The following FAM107B variants were observed in gnomAD, a reference collection of about 807,000 sequenced individuals.
The protein encoded by FAM107B is family with sequence similarity 107 member B.
In FAM107B, 21 loss-of-function variants were observed where a neutral mutation model predicts 31.5. That is an observed-to-expected ratio of 0.67 (90% confidence interval 0.47 to 0.96). The LOEUF (loss-of-function observed/expected upper bound fraction) is 0.96, where lower values mean the gene tolerates loss of function less well. Among genes scored for constraint, FAM107B ranks in the 40% least tolerant of loss-of-function variants. The pLI is 0.00. For missense variants in FAM107B, 452 were observed against 377.1 expected, an observed-to-expected ratio of 1.20 and a Z score of -1.64; for synonymous variants, 157 against 141.5, an observed-to-expected ratio of 1.11 and a Z score of -0.78.
chr10:14,774,349 A>G lies in FAM107B; in HGVS notation c.315T>C (p.Pro105=), dbSNP rs1833372343. 6 of 1,614,174 alleles carry G rather than the reference A, an allele frequency of 3.7e-6. No individual in the cohort carries two copies. Among genetic ancestry groups the G allele is most frequent in the Non-Finnish European group, 5.1e-6 (6 of 1,180,034 alleles). ...CATCCAGGGACCCGGGCACATCTTCAGGCGTCTCCGCGGGCTGGGCCGCAG... is the reference window on the plus strand; with the variant it reads ...CATCCAGGGACCCGGGCACATCTTCGGGCGTCTCCGCGGGCTGGGCCGCAG... ...HRTAAQPAET[P]EDVPGSLDDG... is the part of the protein sequence containing the mutation. Residue 105 remains proline (P), a synonymous_variant, in exon 1 of 5, where the codon CCT becomes CCC. Coordinates refer to ENST00000181796, the MANE Select transcript of FAM107B (RefSeq NM_031453.4).
chr10:14,633,454 G>C (rs2131421793), intron 2 of FAM107B, among the ~76,000 whole-genome samples: 1 of 152,258 alleles, frequency 6.6e-6, no homozygotes, highest in South Asian at 2.1e-4. Context: ...GGTGTTCCAA[G>C]ATCTTCTAGT....
intron 1 of FAM107B, among the ~76,000 whole-genome samples, chr10:14,711,876 T>G (rs1387234183): frequency 6.6e-6 from 1 of 152,126 alleles, no homozygotes; most frequent in African/African-American, 2.4e-5. Context: ...ACTCCTGACC[T>G]CAAGTAATCC....
intron 2 of FAM107B, among the ~76,000 whole-genome samples, chr10:14,559,670 C>T (rs750562024): frequency 1.3e-5 from 2 of 151,448 alleles, no homozygotes; most frequent in South Asian, 2.1e-4. Context: ...CCTGGGTTCA[C>T]GTGATTCTCC....
intron 1 of FAM107B, among the ~76,000 whole-genome samples, chr10:14,677,267 C>T (rs1564622611): frequency 6.6e-6 from 1 of 152,190 alleles, no homozygotes; most frequent in Admixed American, 6.5e-5. Flanking sequence ...CTCTCAAACC[C>T]GTGATATAAA....
At chr10:14,597,507 T>C (rs1399176155) in intron 2 of FAM107B, among the ~76,000 whole-genome samples, 1 of 152,218 alleles carries the variant, frequency 6.6e-6, no homozygotes, top group Non-Finnish European at 1.5e-5. Flanking sequence ...AAACAGGCTA[T>C]TTCTAATATG....
intron 2 of FAM107B, among the ~76,000 whole-genome samples, chr10:14,589,939 AAAACCAATTACAGTCCT>A (rs1393150180): frequency 6.6e-6 from 1 of 152,242 alleles, no homozygotes; most frequent in Non-Finnish European, 1.5e-5. Flanking sequence ...CTCAGAAAAT[AAAACCAATTACAGTCCT>A]AAATCACAGG....
Position 14,580,368 on chromosome 10 carries a change from AAGT to A in FAM107B, c.470-49856_470-49854del, listed in dbSNP as rs1386879900. On this transcript the variant is annotated intron_variant, in intron 2 of 4. Coordinates refer to ENST00000181796, the MANE Select transcript of FAM107B (RefSeq NM_031453.4). ...GAGCAAGACTCCGTGCCAAAAAAAA[AAGT>A]AAGTAAGTCAAGGCCACCCTACAAA... Among the ~76,000 whole-genome samples, 19 of 151,898 alleles carry A rather than the reference AAGT, an allele frequency of 1.3e-4. No homozygotes were observed. The East Asian group carries it at 1.7e-3, about 14-fold the overall frequency.
chr10:14,620,655 A>G (rs1204124763), intron 2 of FAM107B, among the ~76,000 whole-genome samples: 1 of 152,044 alleles, frequency 6.6e-6, no homozygotes, highest in African/African-American at 2.4e-5. Flanking sequence ...TACATTAGGT[A>G]TTTCTCCTAA....
At chr10:14,544,969 G>A (rs913856677) in intron 2 of FAM107B, among the ~76,000 whole-genome samples, 7 of 152,152 alleles carry the variant, frequency 4.6e-5, no homozygotes, top group South Asian at 4.1e-4. Context: ...CCCAGGGTCC[G>A]AGGCATCGGC....
In FAM107B at chr10:14,530,401, A is replaced by G. The variant is rs367679632; in HGVS notation, c.584T>C (p.Leu195Pro). ...CCGGGAGGTTTTTACAGGATTGATC[A>G]GTTTCTGAGGCCTAATGAGTTCAGG... ...DNPELIRPQKLINPVKTSRNH... is the reference protein window; with the variant it reads ...DNPELIRPQKPINPVKTSRNH... Residue 195 changes from leucine (L) to proline (P), a missense_variant, in exon 3 of 5, where the codon CTG (leucine) becomes CCG (proline). Leu to Pro is a moderately conservative substitution (Grantham distance 98). Coordinates refer to ENST00000181796, the MANE Select transcript of FAM107B (RefSeq NM_031453.4). 2.3e-4 allele frequency: 367 copies of G among 1,613,942 alleles called. No individual in the cohort carries two copies. Among genetic ancestry groups the G allele is most frequent in the Non-Finnish European group, 3.0e-4 (349 of 1,180,020 alleles).
intron 1 of FAM107B, among the ~76,000 whole-genome samples, chr10:14,682,947 G>A (rs1359303633): frequency 1.3e-5 from 2 of 151,998 alleles, no homozygotes; most frequent in Non-Finnish European, 1.5e-5. Context: ...AAGGAAGCTC[G>A]AACGTGGAAT....
intron 2 of FAM107B, among the ~76,000 whole-genome samples, chr10:14,570,688 G>C (rs1851140085): frequency 6.6e-6 from 1 of 152,038 alleles, no homozygotes; most frequent in South Asian, 2.1e-4. Flanking sequence ...TGTAATCCCA[G>C]CTACTTGGGA....
At chr10:14,707,047 C>G (rs1855536342) in intron 1 of FAM107B, among the ~76,000 whole-genome samples, 2 of 152,158 alleles carry the variant, frequency 1.3e-5, no homozygotes, top group African/African-American at 4.8e-5. Flanking sequence ...ATTGCTTGAA[C>G]CCGGGAAGGC....
intron 1 of FAM107B, among the ~76,000 whole-genome samples, chr10:14,687,156 C>G (rs79730520): frequency 0.014 from 2,167 of 152,336 alleles, 54 homozygotes; most frequent in African/African-American, 0.048. Context: ...TTGTTAACCT[C>G]ATTCTAGAAA....
chr10:14,536,704 C>T (rs1243010007), intron 2 of FAM107B, among the ~76,000 whole-genome samples: 1 of 152,150 alleles, frequency 6.6e-6, no homozygotes, highest in Non-Finnish European at 1.5e-5. Flanking sequence ...ACCTGGTGCA[C>T]CAAGGCTTAG....
chr10:14,740,953 T>C (rs1856422038), intron 1 of FAM107B, among the ~76,000 whole-genome samples: 1 of 152,164 alleles, frequency 6.6e-6, no homozygotes, highest in South Asian at 2.1e-4. Context: ...AAATGTTCTG[T>C]TAAGTGTTAA....
chr10:14,583,549 C>T (rs1201300692), intron 2 of FAM107B, among the ~76,000 whole-genome samples: 1 of 152,228 alleles, frequency 6.6e-6, no homozygotes, highest in South Asian at 2.1e-4. Flanking sequence ...TGTGGCGTGG[C>T]TCTCCATTTT....
chr10:14,555,456 G>A (rs1274523762), intron 2 of FAM107B, among the ~76,000 whole-genome samples: 1 of 152,148 alleles, frequency 6.6e-6, no homozygotes, highest in Non-Finnish European at 1.5e-5. Context: ...ATAATTTAAT[G>A]CCTGATTATA....
At chr10:14,532,098 A>G (rs1340817926) in intron 2 of FAM107B, among the ~76,000 whole-genome samples, 1 of 152,204 alleles carries the variant, frequency 6.6e-6, no homozygotes, top group African/African-American at 2.4e-5. Flanking sequence ...CTACAAACAT[A>G]TCAATGCTGA....
Sources: allele counts gnomAD v4.1 joint callset (sites outside exome capture counted in the v4.1 genomes callset), GRCh38; gene constraint gnomAD v4.1.1; transcripts MANE v1.5; gene names NCBI Gene and HGNC (gene_info 2026-07-23, HGNC 2026-07-21).